The following TFAP4 variants were observed in gnomAD, a reference collection of about 807,000 sequenced individuals.
TFAP4 encodes transcription factor AP-4, also known as activating enhancer-binding protein 4.
Under a neutral mutation model 40.4 loss-of-function variants are expected in TFAP4, and 7 were observed. The observed-to-expected ratio is 0.17, with a 90% CI of 0.10 to 0.33. TFAP4 has a LOEUF of 0.33. Among genes scored for constraint, TFAP4 ranks in the 10% least tolerant of loss-of-function variants. The pLI is 1.00. For synonymous variants in TFAP4, 218 were observed against 181.4 expected (o/e 1.20, Z -1.62); for missense variants, 374 against 451.1 (o/e 0.83, Z 1.55).
chr16:4,272,340 G>T (rs916658607), intron 1 of TFAP4, among the ~76,000 whole-genome samples: 6 of 152,110 alleles, frequency 3.9e-5, no homozygotes, highest in Middle Eastern at 3.2e-3. Context: ...GGAAGCGCGG[G>T]GGGGAAGGCC....
intron 6 of TFAP4, 34 bp from the exon 7 acceptor site, chr16:4,258,283 C>T (rs1839554942): frequency 2.6e-6 from 4 of 1,528,198 alleles, no homozygotes; most frequent in East Asian, 2.3e-5. Flanking sequence ...AAGGCTCGGC[C>T]GGGGATACAT....
At chr16:4,265,121 T>C (rs2052981203) in intron 1 of TFAP4, 1 of 152,204 alleles carries the variant, frequency 6.6e-6, no homozygotes, top group East Asian at 1.9e-4. Flanking sequence ...CACTGAATTG[T>C]CACAATGTTC....
At chr16:4,262,793 C>T in intron 1 of TFAP4, 92 bp from the exon 2 acceptor site, 1 of 1,442,108 alleles carries the variant, frequency 6.9e-7, no homozygotes, top group Non-Finnish European at 9.5e-7. Flanking sequence ...CCCTCCCCTG[C>T]TGCAAAAGAT....
chr16:4,272,598 G>T (rs1346284100), intron 1 of TFAP4, 60 bp downstream of exon 1: 4 of 1,410,800 alleles, frequency 2.8e-6, no homozygotes, highest in Non-Finnish European at 1.9e-6. Context: ...GCGCCCGCCC[G>T]GGCGGGCTGG....
chr16:4,262,303 G>A (rs2052956486), intron 3 of TFAP4, 21 bp downstream of exon 3: 5 of 1,612,758 alleles, frequency 3.1e-6, no homozygotes, highest in East Asian at 4.5e-5. Flanking sequence ...GGGAGAGGGA[G>A]CCATGAAGGA....
intron 4 of TFAP4, 126 bp downstream of exon 4, chr16:4,261,653 G>T: frequency 8.7e-7 from 1 of 1,152,060 alleles, no homozygotes; most frequent in Non-Finnish European, 1.2e-6. Context: ...CCCACTCCTA[G>T]GCCTGGCACC....
At chr16:4,271,990 T>A (rs988688932) in intron 1 of TFAP4, among the ~76,000 whole-genome samples, 1 of 151,840 alleles carries the variant, frequency 6.6e-6, no homozygotes, top group African/African-American at 2.4e-5. Flanking sequence ...CAGGCCTCGC[T>A]AGTAAACAGC....
rs115157743 is a variant in TFAP4 at position 4,268,386 on chromosome 16, G to T, written c.89+4272C>A. Among the ~76,000 whole-genome samples, 181 of 152,218 alleles carry T rather than the reference G, an allele frequency of 1.2e-3. 1 individual carries two copies. Among genetic ancestry groups the T allele is most frequent in the African/African-American group, 4.2e-3 (175 of 41,534 alleles). On this transcript the variant is annotated intron_variant, in intron 1 of 6. Transcript: ENST00000204517. ...TCCAGGACAACCCATGAAACTCTTAGGGGGTCTACAAGACCTTTTAAGACC... is the reference window on the plus strand; with the variant it reads ...TCCAGGACAACCCATGAAACTCTTATGGGGTCTACAAGACCTTTTAAGACC...
Position 4,260,638 on chromosome 16 carries a change from A to G in TFAP4, c.526-43T>C. 5 of 1,546,428 alleles carry G rather than the reference A, an allele frequency of 3.2e-6. No individual in the cohort carries two copies. The South Asian group carries it at 4.9e-5, about 15-fold the overall frequency. On this transcript the variant is annotated intron_variant, in intron 4 of 6. Transcript: ENST00000204517. ...TGGGCTCAGGGCCAAGGCCGGGAGC[A>G]CACCCTGCCCTGTCAGTCTCACAGC... is the stretch of plus-strand genomic sequence containing the variant.
chr16:4,269,302 G>T (rs932575539), intron 1 of TFAP4, among the ~76,000 whole-genome samples: 1 of 151,616 alleles, frequency 6.6e-6, no homozygotes, highest in Admixed American at 6.6e-5. Context: ...GACCATCCTG[G>T]CTAACACAGT....
intron 1 of TFAP4, chr16:4,266,915 G>C (rs1016919825): frequency 6.6e-6 from 1 of 152,254 alleles, no homozygotes; most frequent in Non-Finnish European, 1.5e-5. Flanking sequence ...AGGCTGGAGT[G>C]CAGTGGCACA....
At chr16:4,259,428 C>G (rs2052926312) in intron 6 of TFAP4, among the ~76,000 whole-genome samples, 1 of 152,156 alleles carries the variant, frequency 6.6e-6, no homozygotes, top group Admixed American at 6.5e-5. Flanking sequence ...AGCCACCACA[C>G]CCGGCCATAT....
rs1376879978 is a variant in TFAP4, at chr16:4,257,337, A to G, written c.*718T>C. The G allele has an allele frequency of 1.3e-5, 2 of 151,862 alleles. No individual in the cohort carries two copies. Among genetic ancestry groups the G allele is most frequent in the Non-Finnish European group, 2.9e-5 (2 of 67,896 alleles). 9.4% of individuals were successfully genotyped at this position (151,862 alleles called of 1,614,324 possible). On this transcript the variant is annotated 3_prime_UTR_variant, in exon 7 of 7. Coordinates refer to ENST00000204517, the MANE Select transcript of TFAP4 (RefSeq NM_003223.3). ...AAAAAAAAAAAAAAAAGAAAGAAAA[A>G]AAAGAAAAACAAAACAAAAACAGAA...
At chr16:4,262,785 C>T in intron 1 of TFAP4, 84 bp from the exon 2 acceptor site, 3 of 1,483,230 alleles carry the variant, frequency 2.0e-6, no homozygotes, top group African/African-American at 1.4e-5. Context: ...AACTGCATCC[C>T]TCCCCTGCTG....
At chr16:4,262,009 G>C (rs891249775) in intron 3 of TFAP4, 60 bp from the exon 4 acceptor site, 1 of 1,497,316 alleles carries the variant, frequency 6.7e-7, no homozygotes, top group South Asian at 1.3e-5. Flanking sequence ...ACGGAGATTG[G>C]GGTTCCATCG....
intron 1 of TFAP4, 120 bp from the exon 2 acceptor site, chr16:4,262,821 G>C (rs1230908970): frequency 1.7e-6 from 2 of 1,144,184 alleles, no homozygotes; most frequent in African/African-American, 3.1e-5. Context: ...CACCCCCAGA[G>C]AGTGATGGAG....
rs79093503 is a variant in TFAP4, at chr16:4,264,975, C to T, written c.90-2274G>A. ...AGCCCCTGGGTCCCTCCTGGCAATG[C>T]CCAAAAGCCAGAGCTGACTAGGGGG... is the stretch of plus-strand genomic sequence containing the variant. On this transcript the variant is annotated intron_variant, in intron 1 of 6. Coordinates refer to ENST00000204517, the MANE Select transcript of TFAP4 (RefSeq NM_003223.3). 4.5e-3 allele frequency: 688 copies of T among 152,334 alleles called. 8 individuals carry two copies. The highest frequency in any genetic ancestry group is 0.019 in the South Asian group (92 of 4,822). The allele number at this position is 152,334 out of a possible 1,614,324, so 9.4% of individuals were successfully genotyped here.
At chr16:4,264,923 G>C (rs931111581) in intron 1 of TFAP4, 6 of 152,108 alleles carry the variant, frequency 3.9e-5, no homozygotes, top group African/African-American at 1.4e-4. Flanking sequence ...CCTCAGGAGA[G>C]ATGTGGGGAG....
At position 4,262,695 on chromosome 16, in the gene TFAP4, G is replaced by T; in HGVS notation, c.96C>A (p.Ala32=). ...KEVIGGLCSL[A]NIPLTPETQR... is the part of the protein sequence containing the mutation. The stretch of plus-strand genomic sequence containing the variant: ...GAGTCTCGGGGGTTAGTGGAATGTT[G>T]GCAAGGCTGCCAGAGAGGACAGGGA... The change falls in exon 2 of 7, where the codon GCC becomes GCA. Residue 32 remains alanine (A), a synonymous_variant. Transcript: ENST00000204517. 6.2e-7 allele frequency: 1 copy of T among 1,608,302 alleles called. No individual in the cohort carries two copies. Among genetic ancestry groups the T allele is most frequent in the South Asian group, 1.1e-5 (1 of 91,062 alleles).
Sources: gnomAD v4.1 joint callset for allele counts (sites outside exome capture counted in the v4.1 genomes callset) on GRCh38, gnomAD v4.1.1 for gene constraint, MANE v1.5 for transcripts, NCBI Gene and HGNC (gene_info 2026-07-23, HGNC 2026-07-21) for gene names.